C8orf34: variants seen among roughly 807,000 people sequenced by gnomAD.
C8orf34 encodes the protein chromosome 8 open reading frame 34.
Under a neutral mutation model 68.3 loss-of-function variants are expected in C8orf34, and 65 were observed. The observed-to-expected ratio is 0.95, with a 90% CI of 0.78 to 1.17. The LOEUF (loss-of-function observed/expected upper bound fraction) is 1.17, where lower values mean the gene tolerates loss of function less well. Ranked by LOEUF, C8orf34 falls within the 50% of genes most tolerant of loss-of-function variation. The pLI, the probability that C8orf34 is intolerant of heterozygous loss-of-function variation, is 0.00. For missense variants in C8orf34, 664 were observed against 655.4 expected (o/e 1.01, Z -0.14); for synonymous variants, 244 against 241.2 (o/e 1.01, Z -0.11).
intron 4 of C8orf34, among the ~76,000 whole-genome samples, chr8:68,469,340 C>G (rs1479039117): frequency 6.6e-6 from 1 of 151,926 alleles, no homozygotes; most frequent in East Asian, 1.9e-4. Flanking sequence ...TCTCTGCCAT[C>G]TATGACATAA....
intron 3 of C8orf34, among the ~76,000 whole-genome samples, chr8:68,449,602 A>G (rs190358350): frequency 2.0e-5 from 3 of 152,250 alleles, no homozygotes; most frequent in Admixed American, 2.0e-4. Flanking sequence ...CCCAGCACAT[A>G]AAAAAGTTAT....
intron 10 of C8orf34, among the ~76,000 whole-genome samples, chr8:68,737,701 G>T (rs562839815): frequency 2.5e-4 from 38 of 152,094 alleles, no homozygotes; most frequent in African/African-American, 8.9e-4. Context: ...ATGGTAAAGA[G>T]TTCAATTCAA....
chr8:68,461,990 A>T (rs1356031209), intron 3 of C8orf34, among the ~76,000 whole-genome samples: 1 of 152,202 alleles, frequency 6.6e-6, no homozygotes, highest in Non-Finnish European at 1.5e-5. Flanking sequence ...AAAGACACAG[A>T]CTAGCAAATT....
chr8:68,638,700 G>A (rs1018007851), intron 7 of C8orf34, among the ~76,000 whole-genome samples: 2 of 151,702 alleles, frequency 1.3e-5, no homozygotes, highest in Non-Finnish European at 2.9e-5. Flanking sequence ...TTAACAAACT[G>A]GACAAGTTTT....
chr8:68,796,477 C>T (rs1824179554), intron 12 of C8orf34, among the ~76,000 whole-genome samples: 1 of 149,840 alleles, frequency 6.7e-6, no homozygotes, highest in Non-Finnish European at 1.5e-5. Flanking sequence ...TCTTTGGGCC[C>T]TAGTTTCATG....
chr8:68,741,748 T>C lies in C8orf34; in HGVS notation c.1404+20311T>C, dbSNP rs116484412. 5.8e-3 allele frequency among the ~76,000 whole-genome samples: 885 copies of C among 152,292 alleles called. 9 individuals carry two copies. Among genetic ancestry groups the C allele is most frequent in the African/African-American group, 0.02 (830 of 41,550 alleles). On this transcript the variant is annotated intron_variant, in intron 10 of 13. Coordinates refer to ENST00000518698, the MANE Select transcript of C8orf34 (RefSeq NM_052958.4). ...GTTTGTCTTTTGGTGCCTGGCTTAT[T>C]TTACTCAACATTATCTCCTCCAGAT...
intron 7 of C8orf34, among the ~76,000 whole-genome samples, chr8:68,559,145 T>C (rs1299492665): frequency 1.3e-5 from 2 of 152,116 alleles, no homozygotes; most frequent in African/African-American, 4.8e-5. Context: ...GTTGTAGGAA[T>C]GATGAAAGGG....
chr8:68,477,838 A>G lies in C8orf34; in HGVS notation c.736+9018A>G, dbSNP rs533486662. Among the ~76,000 whole-genome samples the G allele has an allele frequency of 4.6e-5, 7 of 152,222 alleles. No individual in the cohort carries two copies. The South Asian group carries it at 1.5e-3, about 32-fold the overall frequency. Reference sequence around the variant, plus strand: ...GAAGCCACCAAGACTTGGGGCTTGCACCCTCTGAAGCAACAGCCTTTGGTC... The same window carrying G: ...GAAGCCACCAAGACTTGGGGCTTGCGCCCTCTGAAGCAACAGCCTTTGGTC... On this transcript the variant is annotated intron_variant, in intron 4 of 13. Transcript: ENST00000518698.
At chr8:68,518,625 C>T (rs763156780) in intron 5 of C8orf34, among the ~76,000 whole-genome samples, 1 of 151,946 alleles carries the variant, frequency 6.6e-6, no homozygotes, top group Admixed American at 6.6e-5. Flanking sequence ...TGGCCGGGTG[C>T]GGTGGTTCAT....
chr8:68,799,854 C>T lies in C8orf34; in HGVS notation c.1549+12318C>T, dbSNP rs906174620. Among the ~76,000 whole-genome samples the T allele has an allele frequency of 2.6e-5, 4 of 152,194 alleles. No individual in the cohort carries two copies. In the East Asian group the frequency reaches 7.7e-4, roughly 29 times the overall value. On this transcript the variant is annotated intron_variant, in intron 12 of 13. Transcript: ENST00000518698. ...AGATTGGAGAGATTGGAGAGATCTT[C>T]ATGAGGCAAATGGTGTTTGAACTGA... is the stretch of plus-strand genomic sequence containing the variant.
At chr8:68,515,392 T>A (rs878888860) in intron 5 of C8orf34, among the ~76,000 whole-genome samples, 1 of 151,888 alleles carries the variant, frequency 6.6e-6, no homozygotes, top group Non-Finnish European at 1.5e-5. Flanking sequence ...CTTTTTTTTT[T>A]TATAGAAGTT....
At chr8:68,423,791 T>C (rs1810088472) in intron 1 of C8orf34, among the ~76,000 whole-genome samples, 1 of 152,136 alleles carries the variant, frequency 6.6e-6, no homozygotes, top group Non-Finnish European at 1.5e-5. Context: ...CAGTTCAACA[T>C]GACTGGGGAG....
chr8:68,684,132 G>A (rs1385214122), intron 8 of C8orf34, among the ~76,000 whole-genome samples: 2 of 151,990 alleles, frequency 1.3e-5, no homozygotes, highest in African/African-American at 2.4e-5. Flanking sequence ...TCTGAATGAA[G>A]CCTCATGACA....
chr8:68,654,269 G>T (rs1294119052), intron 8 of C8orf34, among the ~76,000 whole-genome samples: 2 of 152,122 alleles, frequency 1.3e-5, no homozygotes, highest in African/African-American at 4.8e-5. Context: ...GCCTACAGAA[G>T]TGTGAGCAAT....
chr8:68,541,292 A>G (rs547643560), intron 7 of C8orf34, among the ~76,000 whole-genome samples: 1 of 152,034 alleles, frequency 6.6e-6, no homozygotes, highest in Admixed American at 6.5e-5. Flanking sequence ...GAGAGACTTC[A>G]TATTTATTAA....
rs2129832310 is a variant in C8orf34, at chr8:68,533,088, C to T, written c.1044C>T (p.Ser348=). The T allele has an allele frequency of 6.2e-7, 1 of 1,612,348 alleles. No homozygotes were observed. The highest frequency in any genetic ancestry group is 1.1e-5 in the South Asian group (1 of 90,684). The change falls in exon 7 of 14, where the codon AGC becomes AGT. Residue 348 remains serine, a synonymous_variant. Coordinates refer to ENST00000518698, the MANE Select transcript of C8orf34 (RefSeq NM_052958.4). ...AAGATTCTTTTGAGTCCATCCACAG[C>T]CCTACCCCATCTGTAACAGAAGAAG... ...LSQDSFESIH[S]PTPSVTEEDI...
intron 5 of C8orf34, among the ~76,000 whole-genome samples, chr8:68,520,617 AT>A (rs34335751): frequency 0.039 from 5,262 of 134,190 alleles, 153 homozygotes; most frequent in African/African-American, 0.093. Flanking sequence ...CGCCCGGCTA[AT>A]TTTTTTTTTT....
At chr8:68,457,816 T>C (rs577523031) in intron 3 of C8orf34, among the ~76,000 whole-genome samples, 10 of 152,304 alleles carry the variant, frequency 6.6e-5, no homozygotes, top group African/African-American at 2.4e-4. Context: ...ATAGGTTTTA[T>C]TAGGTAGTTG....
intron 7 of C8orf34, among the ~76,000 whole-genome samples, chr8:68,583,339 T>G (rs1817119940): frequency 6.6e-6 from 1 of 152,166 alleles, no homozygotes. Context: ...TTATTTAATT[T>G]AATGTTTCTA....
Sources: gnomAD v4.1 joint callset for allele counts (sites outside exome capture counted in the v4.1 genomes callset) on GRCh38, gnomAD v4.1.1 for gene constraint, MANE v1.5 for transcripts, NCBI Gene and HGNC (gene_info 2026-07-23, HGNC 2026-07-21) for gene names.